APCDD1L: variants seen among roughly 807,000 people sequenced by gnomAD.
APCDD1L encodes the protein protein APCDD1-like.
In APCDD1L, 21 loss-of-function variants were observed where a neutral mutation model predicts 24.2. That is an observed-to-expected ratio of 0.87 (90% CI 0.61 to 1.25). APCDD1L has a LOEUF of 1.25. APCDD1L is among the 50% of genes most tolerant of loss of function. APCDD1L has a pLI of 0.00. For synonymous variants in APCDD1L, 321 were observed against 323.6 expected (o/e 0.99, Z 0.09); for missense variants, 704 against 711.7 (o/e 0.99, Z 0.12).
chr20:58,486,854 GT>G (rs747539318), intron 1 of APCDD1L, among the ~76,000 whole-genome samples: 1,118 of 80,306 alleles, frequency 0.014, 5 homozygotes, highest in African/African-American at 0.051. Flanking sequence ...TGGAGGGAAG[GT>G]TTTTTTTTTT....
At chr20:58,506,702 A>G (rs892857631) in intron 1 of APCDD1L, among the ~76,000 whole-genome samples, 4 of 152,164 alleles carry the variant, frequency 2.6e-5, no homozygotes, top group African/African-American at 9.7e-5. Flanking sequence ...TTAACATTTA[A>G]TTGGGGTTTT....
In APCDD1L at chr20:58,486,854, G is replaced by GTTTT. The variant is rs747539318; in HGVS notation, c.50-16111_50-16108dup. On this transcript the variant is annotated intron_variant, in intron 1 of 3. Coordinates refer to ENST00000371149, the MANE Select transcript of APCDD1L (RefSeq NM_153360.3). ...AGAAGGAAAATTTACTGGAGGGAAG[G>GTTTT]TTTTTTTTTTTTTTTTTTTTTTTTT... Among the ~76,000 whole-genome samples, 491 of 80,418 alleles carry GTTTT rather than the reference G, an allele frequency of 6.1e-3. 64 individuals carry two copies. Among genetic ancestry groups the GTTTT allele is most frequent in the African/African-American group, 0.017 (327 of 19,104 alleles). The allele number at this position is 80,418 out of a possible 152,430, so 52.8% of individuals were successfully genotyped here.
At chr20:58,470,840 C>G in intron 1 of APCDD1L, 93 bp from the exon 2 acceptor site, 1 of 1,451,526 alleles carries the variant, frequency 6.9e-7, no homozygotes, top group Non-Finnish European at 9.1e-7. Context: ...CACAGAGAGC[C>G]AGGCAGGGCT....
At chr20:58,462,048 A>C in intron 3 of APCDD1L, 1 of 155,876 alleles carries the variant, frequency 6.4e-6, no homozygotes, top group Non-Finnish European at 1.4e-5. Flanking sequence ...CCCCATCCCC[A>C]CCGCACAGGG....
At chr20:58,474,976 A>T (rs1489923001) in intron 1 of APCDD1L, among the ~76,000 whole-genome samples, 4 of 151,812 alleles carry the variant, frequency 2.6e-5, no homozygotes, top group Non-Finnish European at 5.9e-5. Context: ...GGAATCCCAC[A>T]CTCTGTGCCC....
intron 1 of APCDD1L, among the ~76,000 whole-genome samples, chr20:58,498,009 G>A (rs1378516463): frequency 3.9e-5 from 6 of 152,138 alleles, no homozygotes; most frequent in Admixed American, 3.3e-4. Context: ...GAGGAGGGGT[G>A]CGGTGGTGGG....
In APCDD1L at chr20:58,470,738, G is replaced by C; in HGVS notation, c.59C>G (p.Ala20Gly). ...GCCCCCGGCCTCCCCAGCCGCCGGT[G>C]CAGTGTGGGCTGCAAAGCAGACAGA... is the stretch of plus-strand genomic sequence containing the variant. ...CVLVLLGAHT[A>G]PAAGEAGGSC... is the part of the protein sequence containing the mutation. The change falls in exon 2 of 4, where the codon GCA (alanine) becomes GGA (glycine). Residue 20 changes from alanine to glycine, a missense_variant. Physicochemically the swap from Ala to Gly is moderately conservative, Grantham distance 60. Transcript: ENST00000371149. The C allele has an allele frequency of 1.3e-6, 2 of 1,537,388 alleles. No homozygotes were observed. Among genetic ancestry groups the C allele is most frequent in the Non-Finnish European group, 1.7e-6 (2 of 1,146,242 alleles).
At chr20:58,477,948 C>A (rs1038450119) in intron 1 of APCDD1L, among the ~76,000 whole-genome samples, 2 of 152,180 alleles carry the variant, frequency 1.3e-5, no homozygotes, top group Non-Finnish European at 2.9e-5. Context: ...AGTAATTGTG[C>A]TGTAAAGATG....
At chr20:58,499,353 G>C (rs1990387030) in intron 1 of APCDD1L, among the ~76,000 whole-genome samples, 1 of 152,144 alleles carries the variant, frequency 6.6e-6, no homozygotes, top group African/African-American at 2.4e-5. Flanking sequence ...GAGAGAGGAC[G>C]GGAATGGAAC....
chr20:58,510,621 C>T (rs570817423), intron 1 of APCDD1L, among the ~76,000 whole-genome samples: 2 of 152,280 alleles, frequency 1.3e-5, no homozygotes, highest in Admixed American at 1.3e-4. Context: ...CGTGAGCCAC[C>T]ATGCCCGGCC....
At position 58,461,634 on chromosome 20, in the gene APCDD1L, T is replaced by C. The variant is rs1301543821; in HGVS notation, c.742-80A>G. 2.3e-6 allele frequency: 3 copies of C among 1,324,218 alleles called. No individual in the cohort carries two copies. The highest frequency in any genetic ancestry group is 2.9e-6 in the Non-Finnish European group (3 of 1,025,472). The allele number at this position is 1,324,218 out of a possible 1,614,324, so 82.0% of individuals were successfully genotyped here. ...GCAGCCTGGAAAGGAACCCCAGCTC[T>C]GTAGGGGTGTCAAGGCAGGGTGAGG... is the stretch of plus-strand genomic sequence containing the variant. On this transcript the variant is annotated intron_variant, in intron 3 of 3. Coordinates refer to ENST00000371149, the MANE Select transcript of APCDD1L (RefSeq NM_153360.3). This position sits in a 1 kb window ranked among gnomAD's most constrained non-coding sequence, Gnocchi z 6.0.
In APCDD1L at chr20:58,497,703, A is replaced by G. The variant is rs1295303360; in HGVS notation, c.49+16956T>C. Among the ~76,000 whole-genome samples the G allele has an allele frequency of 6.6e-6, 1 of 152,126 alleles. No homozygotes were observed. Among genetic ancestry groups the G allele is most frequent in the African/African-American group, 2.4e-5 (1 of 41,420 alleles). On this transcript the variant is annotated intron_variant, in intron 1 of 3. Coordinates refer to ENST00000371149, the MANE Select transcript of APCDD1L (RefSeq NM_153360.3). The surrounding 1 kb of genome is among the most constrained non-coding windows in gnomAD (Gnocchi z 4.3). ...ACCTCTGCAAAGACCCTGTCTCTAA[A>G]TGAGGTCACACATGCTGAGGCCCTG...
At position 58,461,952 on chromosome 20, in the gene APCDD1L, C is replaced by T. The variant is rs1329598621; in HGVS notation, c.742-398G>A. On this transcript the variant is annotated intron_variant, in intron 3 of 3. Transcript: ENST00000371149. This position sits in a 1 kb window ranked among gnomAD's most constrained non-coding sequence, Gnocchi z 6.0. ...TCCACCCCCTGAGACTCTCCTCTCT[C>T]TACCCCTCACCCCTCATCAAACTGG... The T allele has an allele frequency of 5.2e-6, 1 of 191,058 alleles. No individual in the cohort carries two copies. The highest frequency in any genetic ancestry group is 1.1e-5 in the Non-Finnish European group (1 of 94,256). The allele number at this position is 191,058 out of a possible 1,614,324, so 11.8% of individuals were successfully genotyped here.
intron 1 of APCDD1L, among the ~76,000 whole-genome samples, chr20:58,476,929 C>A (rs181780184): frequency 2.0e-5 from 3 of 150,838 alleles, no homozygotes; most frequent in Non-Finnish European, 4.4e-5. Context: ...CATTTCCTGG[C>A]AGTGCATCCT....
intron 1 of APCDD1L, among the ~76,000 whole-genome samples, chr20:58,496,881 A>G (rs551360183): frequency 6.6e-6 from 1 of 152,280 alleles, no homozygotes; most frequent in African/African-American, 2.4e-5. Flanking sequence ...CCTGGCATGG[A>G]GGAAAGGGAC....
chr20:58,483,565 T>C (rs1243775521), intron 1 of APCDD1L, among the ~76,000 whole-genome samples: 1 of 152,132 alleles, frequency 6.6e-6, no homozygotes, highest in Admixed American at 6.5e-5. Context: ...AAAAAATAAG[T>C]TAAGTGAGAA....
At chr20:58,469,851 C>T (rs964615442) in intron 2 of APCDD1L, among the ~76,000 whole-genome samples, 1 of 152,148 alleles carries the variant, frequency 6.6e-6, no homozygotes. Flanking sequence ...GAGGGGATGT[C>T]GGGGGAAGGA....
rs1017937673 is a variant in APCDD1L, at chr20:58,497,572, C to T, written c.49+17087G>A. Among the ~76,000 whole-genome samples, 1 of 152,188 alleles carries T rather than the reference C, an allele frequency of 6.6e-6. No individual in the cohort carries two copies. The highest frequency in any genetic ancestry group is 1.5e-5 in the Non-Finnish European group (1 of 68,030). On this transcript the variant is annotated intron_variant, in intron 1 of 3. Transcript: ENST00000371149. The surrounding 1 kb of genome is among the most constrained non-coding windows in gnomAD (Gnocchi z 4.3). ...GCCATCTTCTCCCTGCGTCTCTTCA[C>T]ATCGTCTTCCTTCGACGCAGGTCTG... is the stretch of plus-strand genomic sequence containing the variant.
chr20:58,464,627 G>A (rs1989674436), intron 3 of APCDD1L, among the ~76,000 whole-genome samples: 1 of 152,216 alleles, frequency 6.6e-6, no homozygotes, highest in Non-Finnish European at 1.5e-5. Flanking sequence ...ACCAGGCTCA[G>A]ATAATTTTGG....
Sources: allele counts gnomAD v4.1 joint callset (sites outside exome capture counted in the v4.1 genomes callset), GRCh38; gene constraint gnomAD v4.1.1; non-coding constraint Gnocchi (gnomAD v3.1); transcripts MANE v1.5; gene names NCBI Gene and HGNC (gene_info 2026-07-23, HGNC 2026-07-21).